Variants in MYRIP observed in about 807,000 individuals in gnomAD.
The protein encoded by MYRIP is myosin VIIA and Rab interacting protein.
MYRIP carries 49 observed loss-of-function variants against 98.0 expected under a neutral mutation model. The observed-to-expected ratio is 0.50, with a 90% CI of 0.40 to 0.63. The LOEUF is 0.63. MYRIP is among the 30% of genes least tolerant of loss of function. The pLI, the probability that MYRIP is intolerant of heterozygous loss-of-function variation, is 0.00. For missense variants in MYRIP, 1,004 were observed against 1,058.2 expected (o/e 0.95, Z 0.71); for synonymous variants, 404 against 409.5 (o/e 0.99, Z 0.16).
chr3:40,247,681 G>A (rs1357638269), intron 13 of MYRIP, among the ~76,000 whole-genome samples: 7 of 152,160 alleles, frequency 4.6e-5, no homozygotes, highest in Non-Finnish European at 8.8e-5. Flanking sequence ...GCACCACCAC[G>A]TCCAGCTAAT....
At chr3:39,912,582 T>C (rs13086725) in intron 2 of MYRIP, among the ~76,000 whole-genome samples, 32,021 of 152,170 alleles carry the variant, frequency 0.21, 3,618 homozygotes, top group Middle Eastern at 0.28. Flanking sequence ...TAAAAGAGGC[T>C]TGATTATTCC....
chr3:40,190,162 C>G lies in MYRIP; in HGVS notation c.1364C>G (p.Ser455Trp). ...AACCCTGAGGCCATGTGCTCTGACTCGGAGACCTCCTCCGCAGGCTCTTCC... is the reference window on the plus strand; with the variant it reads ...AACCCTGAGGCCATGTGCTCTGACTGGGAGACCTCCTCCGCAGGCTCTTCC... ...SPNPEAMCSD[S>W]ETSSAGSSRE... The change falls in exon 10 of 17, where the codon TCG becomes TGG. Residue 455 changes from serine to tryptophan, a missense_variant. Ser to Trp is a radical substitution (Grantham distance 177). Transcript: ENST00000302541. The G allele has an allele frequency of 6.2e-7, 1 of 1,614,094 alleles. No homozygotes were observed. Among genetic ancestry groups the G allele is most frequent in the Non-Finnish European group, 8.5e-7 (1 of 1,179,980 alleles).
intron 4 of MYRIP, among the ~76,000 whole-genome samples, chr3:40,152,030 T>C (rs1295360346): frequency 1.3e-5 from 2 of 152,248 alleles, no homozygotes; most frequent in African/African-American, 4.8e-5. Context: ...GAAAATAGAA[T>C]GGAGGCACTA....
intron 3 of MYRIP, among the ~76,000 whole-genome samples, chr3:40,073,867 A>G (rs1284731332): frequency 3.3e-5 from 5 of 152,212 alleles, no homozygotes; most frequent in Admixed American, 2.6e-4. Context: ...ATGTCTAGCT[A>G]TCTGCCTACT....
intron 1 of MYRIP, among the ~76,000 whole-genome samples, chr3:39,851,691 G>A (rs914599632): frequency 1.3e-5 from 2 of 152,154 alleles, no homozygotes; most frequent in Admixed American, 6.5e-5. Flanking sequence ...TTCTAGCCCT[G>A]TTCTCATTTG....
At chr3:40,007,136 T>C (rs987651555) in intron 2 of MYRIP, among the ~76,000 whole-genome samples, 4 of 152,208 alleles carry the variant, frequency 2.6e-5, no homozygotes, top group African/African-American at 9.7e-5. Context: ...TATATTGGTT[T>C]AGTCATCAGT....
chr3:39,855,662 G>A (rs1195842632), intron 1 of MYRIP, among the ~76,000 whole-genome samples: 1 of 152,106 alleles, frequency 6.6e-6, no homozygotes, highest in African/African-American at 2.4e-5. Flanking sequence ...CTCCTACACA[G>A]TTGGTGAGGC....
intron 2 of MYRIP, among the ~76,000 whole-genome samples, chr3:40,030,788 CA>C (rs1397749748): frequency 5.9e-5 from 9 of 151,988 alleles, no homozygotes; most frequent in African/African-American, 2.2e-4. Flanking sequence ...CTCATAGAAA[CA>C]GAAAGTAGAT....
intron 3 of MYRIP, among the ~76,000 whole-genome samples, chr3:40,089,637 A>G (rs1948703090): frequency 6.6e-6 from 1 of 152,224 alleles, no homozygotes; most frequent in Non-Finnish European, 1.5e-5. Context: ...AAAGGCAAAA[A>G]GGAGACATGA....
chr3:39,968,797 G>A (rs1429751735), intron 2 of MYRIP, among the ~76,000 whole-genome samples: 1 of 152,104 alleles, frequency 6.6e-6, no homozygotes, highest in African/African-American at 2.4e-5. Context: ...GATTGCCCTG[G>A]CTATTCAGGC....
In MYRIP at chr3:40,167,035, C is replaced by A. The variant is rs1206914319; in HGVS notation, c.648+92C>A. On this transcript the variant is annotated intron_variant, in intron 6 of 16. Transcript: ENST00000302541. The stretch of plus-strand genomic sequence containing the variant: ...GTGCAGGTTGTCAGGAAATCAATGT[C>A]CCAGCAGCTCTGACTAGAGCAAGGC... The A allele has an allele frequency of 1.5e-5, 21 of 1,359,502 alleles. No homozygotes were observed. The East Asian group carries it at 4.1e-4, about 27-fold the overall frequency. The allele number at this position is 1,359,502 out of a possible 1,614,324, so 84.2% of individuals were successfully genotyped here. A position where few individuals can be genotyped will look rare whatever the true frequency, so the allele number is the denominator to read the frequency against.
chr3:40,120,309 C>A (rs772460574), intron 3 of MYRIP, among the ~76,000 whole-genome samples: 96 of 152,248 alleles, frequency 6.3e-4, no homozygotes, highest in Non-Finnish European at 1.3e-3. Flanking sequence ...CTTCTTGTTC[C>A]AACAACCAGC....
At chr3:39,924,676 C>T (rs997687145) in intron 2 of MYRIP, among the ~76,000 whole-genome samples, 7 of 151,978 alleles carry the variant, frequency 4.6e-5, no homozygotes, top group African/African-American at 1.4e-4. Flanking sequence ...AACAGCAGAA[C>T]TCAAATGGCA....
At chr3:39,947,870 G>A (rs1411423046) in intron 2 of MYRIP, among the ~76,000 whole-genome samples, 2 of 152,108 alleles carry the variant, frequency 1.3e-5, no homozygotes, top group Admixed American at 1.3e-4. Context: ...GGTGATTCAC[G>A]TTTACTTCAA....
chr3:40,011,356 C>T (rs1302362712), intron 2 of MYRIP, among the ~76,000 whole-genome samples: 2 of 152,292 alleles, frequency 1.3e-5, no homozygotes, highest in East Asian at 3.9e-4. Flanking sequence ...AGGAAGGGTA[C>T]TTCCCTTCCC....
chr3:39,892,407 C>T (rs1575352288), intron 1 of MYRIP, among the ~76,000 whole-genome samples: 2 of 152,152 alleles, frequency 1.3e-5, no homozygotes, highest in African/African-American at 4.8e-5. Flanking sequence ...GTTGCTACTC[C>T]CTAAGGCAGA....
intron 10 of MYRIP, among the ~76,000 whole-genome samples, chr3:40,208,808 C>T (rs1048479854): frequency 6.6e-6 from 1 of 152,174 alleles, no homozygotes; most frequent in Non-Finnish European, 1.5e-5. Context: ...CCCTTCCCCA[C>T]ATCCCAGCCA....
At chr3:39,965,621 A>G (rs1945421189) in intron 2 of MYRIP, among the ~76,000 whole-genome samples, 5 of 152,144 alleles carry the variant, frequency 3.3e-5, no homozygotes, top group Admixed American at 3.3e-4. Flanking sequence ...AGGCTTGACC[A>G]TAATCCATGA....
intron 2 of MYRIP, among the ~76,000 whole-genome samples, chr3:39,907,689 A>G (rs952507832): frequency 1.4e-4 from 22 of 152,332 alleles, no homozygotes; most frequent in African/African-American, 5.1e-4. Flanking sequence ...TCTAAGTAAT[A>G]GAGTTTTTGA....
Sources: gnomAD v4.1 joint callset for allele counts (sites outside exome capture counted in the v4.1 genomes callset) on GRCh38, gnomAD v4.1.1 for gene constraint, MANE v1.5 for transcripts, NCBI Gene and HGNC (gene_info 2026-07-23, HGNC 2026-07-21) for gene names.